Variants in NEUROD1 observed in about 807,000 individuals in gnomAD.
The protein encoded by NEUROD1 is neuronal differentiation 1.
Under a neutral mutation model 21.8 loss-of-function variants are expected in NEUROD1, and 9 were observed. That is an observed-to-expected ratio of 0.41 (90% CI 0.25 to 0.72). The LOEUF (loss-of-function observed/expected upper bound fraction) is 0.72, where lower values mean the gene tolerates loss of function less well. NEUROD1 is among the 30% of genes least tolerant of loss of function. NEUROD1 has a pLI of 0.31. For synonymous variants in NEUROD1, 199 were observed against 186.2 expected (o/e 1.07, Z -0.56); for missense variants, 434 against 468.8 (o/e 0.93, Z 0.69).
At position 181,678,080 on chromosome 2, in the gene NEUROD1, G is replaced by C. The variant is rs968177372; in HGVS notation, c.781C>G (p.Leu261Val). ...AAGGAAGGGCTGGTGCAATCAGTCA[G>C]AGGGCTTTCAAAGAAGGGCTCCAGC... ...AALEPFFESPLTDCTSPSFDG... is the reference protein window; with the variant it reads ...AALEPFFESPVTDCTSPSFDG... Residue 261 changes from leucine to valine, a missense_variant, in exon 2 of 2, where the codon CTG becomes GTG. By Grantham distance (32) the Leu-to-Val change is conservative. Transcript: ENST00000295108. This position sits in a 1 kb window ranked among gnomAD's most constrained non-coding sequence, Gnocchi z 5.5. The C allele has an allele frequency of 6.2e-7, 1 of 1,614,250 alleles. No individual in the cohort carries two copies. Among genetic ancestry groups the C allele is most frequent in the Non-Finnish European group, 8.5e-7 (1 of 1,180,048 alleles).
At chr2:181,668,668 C>T (rs1688453982), downstream of NEUROD1, among the ~76,000 whole-genome samples, 1 of 152,180 alleles carries the variant, frequency 6.6e-6, no homozygotes, top group Non-Finnish European at 1.5e-5. Context: ...TTCAACGTCT[C>T]TCTTACCAGT....
Position 181,678,387 on chromosome 2 carries a change from G to A in NEUROD1, c.474C>T (p.Arg158=), listed in dbSNP as rs753203844. ...AGACCAGGTCTGGGCTTTTGCCTGA[G>A]CGCAGGATCTCCGACAGAGCCCAGA... is the stretch of plus-strand genomic sequence containing the variant. ...NYIWALSEIL[R]SGKSPDLVSF... The change falls in exon 2 of 2, where the codon CGC becomes CGT. Residue 158 remains arginine (R), a synonymous_variant. Coordinates refer to ENST00000295108, the MANE Select transcript of NEUROD1 (RefSeq NM_002500.5). The surrounding 1 kb of genome is among the most constrained non-coding windows in gnomAD (Gnocchi z 5.5). 2 of 1,614,234 alleles carry A rather than the reference G, an allele frequency of 1.2e-6. No individual in the cohort carries two copies. Among genetic ancestry groups the A allele is most frequent in the Non-Finnish European group, 1.7e-6 (2 of 1,180,042 alleles).
chr2:181,676,183 C>G (rs1168295809), downstream of NEUROD1, among the ~76,000 whole-genome samples: 1 of 151,806 alleles, frequency 6.6e-6, no homozygotes, highest in Non-Finnish European at 1.5e-5. Flanking sequence ...AATAAAAAAC[C>G]TAAAGGCTAA....
In NEUROD1 at chr2:181,676,856, T is replaced by C. The variant is rs1275902938; in HGVS notation, c.*934A>G. ...TCAGATTCTCTGTAAAATCATGGAA[T>C]GCAAAGGAGTAAAAGACTAAAAAGT... On this transcript the variant is annotated 3_prime_UTR_variant, in exon 2 of 2. Transcript: ENST00000295108. 1 of 152,570 alleles carries C rather than the reference T, an allele frequency of 6.6e-6. No homozygotes were observed. The highest frequency in any genetic ancestry group is 1.5e-5 in the Non-Finnish European group (1 of 67,996). 9.5% of individuals were successfully genotyped at this position (152,570 alleles called of 1,614,324 possible).
chr2:181,678,883 A>C lies in NEUROD1; in HGVS notation c.-11-12T>G. The C allele has an allele frequency of 6.2e-7, 1 of 1,612,770 alleles. No homozygotes were observed. The highest frequency in any genetic ancestry group is 8.5e-7 in the Non-Finnish European group (1 of 1,180,016). On this transcript the variant is annotated splice_polypyrimidine_tract_variant and intron_variant, in intron 1 of 1. Coordinates refer to ENST00000295108, the MANE Select transcript of NEUROD1 (RefSeq NM_002500.5). This position sits in a 1 kb window ranked among gnomAD's most constrained non-coding sequence, Gnocchi z 5.5. The stretch of plus-strand genomic sequence containing the variant: ...CATGTTTCGATTTCCTACATTCAAC[A>C]AGGGAGAGGCAAACAGAAAGAAAAG...
At chr2:181,674,199 A>T (rs886185398), downstream of NEUROD1, among the ~76,000 whole-genome samples, 34 of 152,278 alleles carry the variant, frequency 2.2e-4, no homozygotes, top group African/African-American at 6.3e-4. Context: ...TATTCATAGG[A>T]TTTTCACATT....
At chr2:181,676,003 A>G (rs1402241056), downstream of NEUROD1, among the ~76,000 whole-genome samples, 3 of 152,208 alleles carry the variant, frequency 2.0e-5, no homozygotes, top group South Asian at 2.1e-4. Context: ...GTTCAGAAAA[A>G]TGTACAGATA....
rs1394958379 is a variant in NEUROD1, at chr2:181,677,865, A to G, written c.996T>C (p.Asn332=). Residue 332 remains asparagine, a synonymous_variant, in exon 2 of 2, where the codon AAT becomes AAC. Transcript: ENST00000295108. ...GTGAATGGCTATCGAAGGACATAAT[A>G]TTGTCTATGGGGATCTCGCAGCGAG... ...AAPRCEIPID[N]IMSFDSHSHH... 2 of 1,614,034 alleles carry G rather than the reference A, an allele frequency of 1.2e-6. No homozygotes were observed. The highest frequency in any genetic ancestry group is 3.3e-5 in the Admixed American group (2 of 60,006).
At chr2:181,668,367 G>A (rs554125828), downstream of NEUROD1, among the ~76,000 whole-genome samples, 4 of 151,944 alleles carry the variant, frequency 2.6e-5, no homozygotes, top group Non-Finnish European at 4.4e-5. Context: ...TCTTTGCTTT[G>A]GGGCTAATTT....
rs886055320 is a variant in NEUROD1 at position 181,677,072 on chromosome 2, G to A, written c.*718C>T. 4.2e-5 allele frequency: 6 copies of A among 142,268 alleles called. No homozygotes were observed. Among genetic ancestry groups the A allele is most frequent in the Admixed American group, 1.4e-4 (2 of 13,944 alleles). The allele number at this position is 142,268 out of a possible 1,614,324, so 8.8% of individuals were successfully genotyped here. A position where few individuals can be genotyped will look rare whatever the true frequency, so the allele number is the denominator to read the frequency against. On this transcript the variant is annotated 3_prime_UTR_variant, in exon 2 of 2. Coordinates refer to ENST00000295108, the MANE Select transcript of NEUROD1 (RefSeq NM_002500.5). ...ATTCTGGTTTTTATTTTAGGGAGACGGAAAGACTTTAAAGTGAAATGAATT... is the reference window on the plus strand; with the variant it reads ...ATTCTGGTTTTTATTTTAGGGAGACAGAAAGACTTTAAAGTGAAATGAATT...
chr2:181,677,984 AC>A lies in NEUROD1; in HGVS notation c.876del (p.Glu292AspfsTer39). ...NFSFKHEPSA[E>X]FEKNYAFTMH... is the part of the protein sequence containing the mutation. ...ATGGTAAAGGCATAATTTTTCTCAA[AC>A]TCGGCGGACGGTTCGTGTTTGAAAG... is the stretch of plus-strand genomic sequence containing the variant. On this transcript the variant is annotated frameshift_variant, in exon 2 of 2. Coordinates refer to ENST00000295108, the MANE Select transcript of NEUROD1 (RefSeq NM_002500.5). LOFTEE classifies it high-confidence loss of function. The A allele has an allele frequency of 6.2e-7, 1 of 1,614,090 alleles. No homozygotes were observed. The highest frequency in any genetic ancestry group is 2.2e-5 in the East Asian group (1 of 44,874).
chr2:181,675,204 C>T (rs1688551092), downstream of NEUROD1, among the ~76,000 whole-genome samples: 1 of 152,142 alleles, frequency 6.6e-6, no homozygotes, highest in African/African-American at 2.4e-5. Flanking sequence ...AAAGTTGGGA[C>T]TAACTTAAAA....
At chr2:181,675,935 T>A (rs543825748), downstream of NEUROD1, among the ~76,000 whole-genome samples, 1 of 152,268 alleles carries the variant, frequency 6.6e-6, no homozygotes, top group South Asian at 2.1e-4. Flanking sequence ...CTTTGGTACT[T>A]CCTAAAGGTG....
chr2:181,673,160 A>G (rs763124032), downstream of NEUROD1: 20 of 152,146 alleles, frequency 1.3e-4, no homozygotes, highest in African/African-American at 3.4e-4. Context: ...AAAATTAGCA[A>G]TTTCTCCTGA....
rs747226020 is a variant in NEUROD1, at chr2:181,678,040, C to T, written c.821G>A (p.Ser274Asn). 1 of 1,614,148 alleles carries T rather than the reference C, an allele frequency of 6.2e-7. No homozygotes were observed. Among genetic ancestry groups the T allele is most frequent in the South Asian group, 1.1e-5 (1 of 91,086 alleles). Residue 274 changes from serine to asparagine, a missense_variant, in exon 2 of 2, where the codon AGC (serine) becomes AAC (asparagine). Physicochemically the swap from Ser to Asn is conservative, Grantham distance 46. Transcript: ENST00000295108. The surrounding 1 kb of genome is among the most constrained non-coding windows in gnomAD (Gnocchi z 5.5). ...CTSPSFDGPL[S>N]PPLSINGNFS... ...GTTGCCATTGATGCTGAGCGGCGGG[C>T]TGAGGGGTCCATCAAAGGAAGGGCT...
Position 181,677,944 on chromosome 2 carries a change from G to A in NEUROD1, c.917C>T (p.Ala306Val), listed in dbSNP as rs115159138. 71 of 1,614,174 alleles carry A rather than the reference G, an allele frequency of 4.4e-5. No homozygotes were observed. The African/African-American group carries it at 8.5e-4, about 19-fold the overall frequency. ...NYAFTMHYPA[A>V]TLAGAQSHGS... ...GTGGCTTTGGGCCCCTGCCAGTGTC[G>A]CTGCAGGATAGTGCATGGTAAAGGC... The change falls in exon 2 of 2, where the codon GCG becomes GTG. Residue 306 changes from alanine (A) to valine (V), a missense_variant. Ala to Val is a moderately conservative substitution (Grantham distance 64). Coordinates refer to ENST00000295108, the MANE Select transcript of NEUROD1 (RefSeq NM_002500.5).
chr2:181,669,250 A>T (rs1029223110), downstream of NEUROD1, among the ~76,000 whole-genome samples: 1 of 152,206 alleles, frequency 6.6e-6, no homozygotes, highest in African/African-American at 2.4e-5. Flanking sequence ...AACCAGCTTA[A>T]GTTAATAAAA....
rs1559135604 is a variant in NEUROD1 at position 181,678,902 on chromosome 2, A to T, written c.-11-31T>A. The T allele has an allele frequency of 6.2e-7, 1 of 1,610,282 alleles. No homozygotes were observed. On this transcript the variant is annotated intron_variant, in intron 1 of 1. Transcript: ENST00000295108. This position sits in a 1 kb window ranked among gnomAD's most constrained non-coding sequence, Gnocchi z 5.5. Reference sequence around the variant, plus strand: ...TTCAACAAGGGAGAGGCAAACAGAAAGAAAAGCAGAAAAACGCTATATTCA... The same window carrying T: ...TTCAACAAGGGAGAGGCAAACAGAATGAAAAGCAGAAAAACGCTATATTCA...
downstream of NEUROD1, among the ~76,000 whole-genome samples, chr2:181,672,105 T>A (rs1326625191): frequency 6.6e-6 from 1 of 152,126 alleles, no homozygotes; most frequent in African/African-American, 2.4e-5. Context: ...AAATACATGG[T>A]CTGGAAAAAG....
Sources: allele counts gnomAD v4.1 joint callset (sites outside exome capture counted in the v4.1 genomes callset), GRCh38; gene constraint gnomAD v4.1.1; non-coding constraint Gnocchi (gnomAD v3.1); transcripts MANE v1.5; gene names NCBI Gene and HGNC (gene_info 2026-07-23, HGNC 2026-07-21).